Variants in COG5 observed in about 807,000 individuals in gnomAD.
COG5 encodes the protein component of oligomeric golgi complex 5.
A neutral mutation model predicts 110.4 loss-of-function variants in COG5; 86 were observed. The ratio of observed to expected loss-of-function variants is 0.78; its 90% CI spans 0.65 to 0.93. The LOEUF (loss-of-function observed/expected upper bound fraction) is 0.93. COG5 is among the 40% of genes least tolerant of loss of function. The probability of loss-of-function intolerance (pLI) is 0.00; values close to 1 mark genes in which losing one functional copy is unlikely to be tolerated. For synonymous variants in COG5, 360 were observed against 334.6 expected (o/e 1.08, Z -0.83); for missense variants, 1,077 against 987.0 (o/e 1.09, Z -1.22).
rs542755259 is a variant in COG5, at chr7:107,288,724, G to C, written c.1314-4992C>G. Among the ~76,000 whole-genome samples the C allele has an allele frequency of 2.0e-5, 3 of 151,796 alleles. 1 individual carries two copies. Among genetic ancestry groups the C allele is most frequent in the South Asian group, 2.1e-4 (1 of 4,800 alleles). ...AGTCAATTGCCAGATCTATGAGTCA[G>C]AAATATTTTCACCCATTCCTAATGG... On this transcript the variant is annotated intron_variant, in intron 12 of 21. Coordinates refer to ENST00000297135, the MANE Select transcript of COG5 (RefSeq NM_006348.5).
intron 6 of COG5, chr7:107,475,660 G>A (rs1796931810): frequency 4.4e-6 from 1 of 225,050 alleles, no homozygotes; most frequent in African/African-American, 2.3e-5. Flanking sequence ...CCTTAAAACA[G>A]TGTATAACTT....
intron 7 of COG5, among the ~76,000 whole-genome samples, chr7:107,378,388 G>A (rs182435856): frequency 3.3e-5 from 5 of 151,986 alleles, no homozygotes; most frequent in East Asian, 1.9e-4. Flanking sequence ...ACAACTCCTC[G>A]CCAGCAACGA....
chr7:107,559,841 A>T (rs991981059), intron 1 of COG5, among the ~76,000 whole-genome samples: 5 of 152,238 alleles, frequency 3.3e-5, no homozygotes, highest in Non-Finnish European at 7.3e-5. Flanking sequence ...AAACAAGGGG[A>T]ATACTGATTT....
chr7:107,318,710 C>T (rs1808981816), intron 11 of COG5, among the ~76,000 whole-genome samples: 1 of 152,084 alleles, frequency 6.6e-6, no homozygotes, highest in Admixed American at 6.6e-5. Context: ...AGTGAGTAAG[C>T]TCTCTCGCGT....
chr7:107,435,178 T>C (rs1322484340), intron 6 of COG5, among the ~76,000 whole-genome samples: 1 of 151,970 alleles, frequency 6.6e-6, no homozygotes, highest in Non-Finnish European at 1.5e-5. Context: ...AGCTGTTAAA[T>C]AGGTATAGAA....
At chr7:107,237,662 T>G (rs1374063051) in intron 17 of COG5, among the ~76,000 whole-genome samples, 3 of 152,306 alleles carry the variant, frequency 2.0e-5, no homozygotes, top group South Asian at 2.1e-4. Flanking sequence ...CAGATAGAGA[T>G]AGAAGAAGTA....
chr7:107,416,455 T>A (rs1792853450), intron 6 of COG5, among the ~76,000 whole-genome samples: 2 of 152,116 alleles, frequency 1.3e-5, no homozygotes, highest in East Asian at 3.8e-4. Context: ...GATATATTAT[T>A]TGGGATACAT....
chr7:107,396,299 C>T (rs1490545247), intron 7 of COG5, among the ~76,000 whole-genome samples: 1 of 152,144 alleles, frequency 6.6e-6, no homozygotes, highest in Non-Finnish European at 1.5e-5. Context: ...GATTCAGTAA[C>T]ATGCAACCCA....
At chr7:107,237,794 C>T (rs542613069) in intron 17 of COG5, among the ~76,000 whole-genome samples, 2 of 152,058 alleles carry the variant, frequency 1.3e-5, no homozygotes, top group African/African-American at 2.4e-5. Flanking sequence ...GATGGAGTGG[C>T]GCTTGGGTAC....
chr7:107,545,904 C>A (rs62483722), intron 5 of COG5, among the ~76,000 whole-genome samples: 1 of 151,570 alleles, frequency 6.6e-6, no homozygotes, highest in Non-Finnish European at 1.5e-5. Flanking sequence ...CTCCGTCCAA[C>A]AGCAGCGGAA....
At chr7:107,552,248 T>C (rs2129175811) in intron 3 of COG5, among the ~76,000 whole-genome samples, 1 of 152,216 alleles carries the variant, frequency 6.6e-6, no homozygotes, top group Non-Finnish European at 1.5e-5. Context: ...TATTACATGC[T>C]CTCAAAAATG....
intron 10 of COG5, 55 bp downstream of exon 10, chr7:107,361,978 C>CAT: frequency 3.4e-6 from 4 of 1,185,060 alleles, no homozygotes; most frequent in Non-Finnish European, 4.9e-6. Context: ...GATGCTGACT[C>CAT]ATATATTCCT....
rs1034648273 is a variant in COG5, at chr7:107,539,871, T to C, written c.417+8240A>G. ...ACAGGAATGAATAATTGGACAATAA[T>C]TGGATAACAGAAAACACAGGTCTGT... On this transcript the variant is annotated intron_variant, in intron 5 of 21. Transcript: ENST00000297135. Among the ~76,000 whole-genome samples the C allele has an allele frequency of 9.2e-5, 14 of 152,134 alleles. 1 individual carries two copies. In the South Asian group the frequency reaches 1.0e-3, roughly 11 times the overall value.
chr7:107,398,533 G>T (rs1791179219), intron 7 of COG5, among the ~76,000 whole-genome samples: 1 of 152,178 alleles, frequency 6.6e-6, no homozygotes, highest in African/African-American at 2.4e-5. Context: ...TAATGCTGAT[G>T]ATCTGAGGCG....
In COG5 at chr7:107,465,679, A is replaced by G. The variant is rs191423283; in HGVS notation, c.539-53047T>C. 1.2e-4 allele frequency among the ~76,000 whole-genome samples: 18 copies of G among 152,328 alleles called. No individual in the cohort carries two copies. In the East Asian group the frequency reaches 3.3e-3, roughly 28 times the overall value. On this transcript the variant is annotated intron_variant, in intron 6 of 21. Coordinates refer to ENST00000297135, the MANE Select transcript of COG5 (RefSeq NM_006348.5). Reference sequence around the variant, plus strand: ...AAGACACCAGTGATTACAGTCTTTAAGAATTATTAATTAAACTCTTAAAAT... The same window carrying G: ...AAGACACCAGTGATTACAGTCTTTAGGAATTATTAATTAAACTCTTAAAAT...
intron 7 of COG5, among the ~76,000 whole-genome samples, chr7:107,385,050 G>C (rs150424432): frequency 1.3e-5 from 2 of 152,318 alleles, no homozygotes; most frequent in African/African-American, 4.8e-5. Flanking sequence ...AATTAGTTGA[G>C]ATAAAGTCAT....
intron 6 of COG5, among the ~76,000 whole-genome samples, chr7:107,441,526 C>T (rs1794708015): frequency 6.6e-6 from 1 of 152,148 alleles, no homozygotes; most frequent in Admixed American, 6.6e-5. Flanking sequence ...AATGTTTGAC[C>T]TGTAATCCAG....
At chr7:107,335,040 G>A (rs762596369) in intron 10 of COG5, among the ~76,000 whole-genome samples, 1 of 152,128 alleles carries the variant, frequency 6.6e-6, no homozygotes, top group Non-Finnish European at 1.5e-5. Flanking sequence ...TTGATTCACA[G>A]GTGTTTTCTC....
At chr7:107,286,283 T>C (rs1160634562) in intron 12 of COG5, among the ~76,000 whole-genome samples, 1 of 152,220 alleles carries the variant, frequency 6.6e-6, no homozygotes, top group Non-Finnish European at 1.5e-5. Flanking sequence ...TGCATATCTA[T>C]AAGGGTGGTA....
Sources: allele counts gnomAD v4.1 joint callset (sites outside exome capture counted in the v4.1 genomes callset), GRCh38; gene constraint gnomAD v4.1.1; transcripts MANE v1.5; gene names NCBI Gene and HGNC (gene_info 2026-07-23, HGNC 2026-07-21).